The following NEU4 variants were observed in gnomAD, a reference collection of about 807,000 sequenced individuals.
NEU4 encodes the protein sialidase-4.
Under a neutral mutation model 9.9 loss-of-function variants are expected in NEU4, and 7 were observed. That is an observed-to-expected ratio of 0.71 (90% CI 0.40 to 1.33). The LOEUF is 1.33. Among genes scored for constraint, NEU4 ranks in the 40% most tolerant of loss-of-function variants. The pLI, the probability that NEU4 is intolerant of heterozygous loss-of-function variation, is 0.01. For synonymous variants in NEU4, 348 were observed against 316.9 expected, an observed-to-expected ratio of 1.10 and a Z score of -1.04; for missense variants, 717 against 712.6, an observed-to-expected ratio of 1.01 and a Z score of -0.07.
chr2:241,811,176 G>T, intron 1 of NEU4: 1 of 1,228,182 alleles, frequency 8.1e-7, no homozygotes, highest in South Asian at 4.2e-5. Flanking sequence ...GTTGGAGGGC[G>T]CACCCCCGTG....
At chr2:241,813,140 CTGTT>C (rs1221521942) in intron 1 of NEU4, among the ~76,000 whole-genome samples, 1 of 152,178 alleles carries the variant, frequency 6.6e-6, no homozygotes, top group Non-Finnish European at 1.5e-5. Context: ...GTGGAGCTGT[CTGTT>C]TGGGCCTCAG....
chr2:241,815,526 T>G (rs1700297208), intron 3 of NEU4: 1 of 493,240 alleles, frequency 2.0e-6, no homozygotes, highest in Non-Finnish European at 4.1e-6. Context: ...CCCCCGCTAA[T>G]CTCTTTATCT....
intron 3 of NEU4, chr2:241,815,598 C>A: frequency 3.9e-6 from 2 of 509,098 alleles, no homozygotes; most frequent in Non-Finnish European, 3.9e-6. Flanking sequence ...CCACCCCGCC[C>A]CACCCCTTCC....
chr2:241,809,584 GAT>G (rs1700048514), intron 1 of NEU4: 7 of 325,728 alleles, frequency 2.1e-5, no homozygotes, highest in Non-Finnish European at 4.2e-5. Context: ...CAGAGCCCCA[GAT>G]GGGCCCAGGG....
At position 241,814,641 on chromosome 2, in the gene NEU4, C is replaced by T. The variant is rs756172984; in HGVS notation, c.157C>T (p.Arg53Cys). The T allele has an allele frequency of 6.2e-5, 98 of 1,588,340 alleles. 1 individual carries two copies. Among genetic ancestry groups the T allele is most frequent in the Middle Eastern group, 5.3e-4 (3 of 5,706 alleles). ...RLSPDDSHAHRLVLRRGTLAG... is the reference protein window; with the variant it reads ...RLSPDDSHAHCLVLRRGTLAG... ...CAGCCCTGACGACTCCCACGCCCACCGCCTGGTGCTGAGGAGGGGCACGCT... is the reference window on the plus strand; with the variant it reads ...CAGCCCTGACGACTCCCACGCCCACTGCCTGGTGCTGAGGAGGGGCACGCT... Residue 53 changes from arginine to cysteine, a missense_variant, in exon 2 of 4, where the codon CGC (arginine) becomes TGC (cysteine). Coordinates refer to ENST00000407683, the MANE Select transcript of NEU4 (RefSeq NM_001167600.3).
intron 1 of NEU4, chr2:241,810,988 G>C: frequency 9.9e-7 from 1 of 1,015,114 alleles, no homozygotes; most frequent in Non-Finnish European, 1.2e-6. Context: ...AGCCCAGTGA[G>C]GCCTGTGCTG....
intron 1 of NEU4, among the ~76,000 whole-genome samples, chr2:241,810,169 T>G (rs1700066662): frequency 6.6e-6 from 1 of 152,178 alleles, no homozygotes; most frequent in Non-Finnish European, 1.5e-5. Context: ...TTGCCTGGAC[T>G]GGGTCCGCCC....
Position 241,816,584 on chromosome 2 carries a change from G to A in NEU4, c.991G>A (p.Gly331Ser), listed in dbSNP as rs762097709. Residue 331 changes from glycine to serine, a missense_variant, in exon 4 of 4, where the codon GGT becomes AGT. Transcript: ENST00000407683. ...AVDPRGGQVPGGPFSRLQPRG... is the reference protein window; with the variant it reads ...AVDPRGGQVPSGPFSRLQPRG... ...AGACCCCCGTGGAGGCCAGGTGCCT[G>A]GTGGGCCCTTCAGCCGTCTGCAGCC... The A allele has an allele frequency of 6.2e-7, 1 of 1,602,572 alleles. No individual in the cohort carries two copies. The highest frequency in any genetic ancestry group is 8.5e-7 in the Non-Finnish European group (1 of 1,175,634).
At chr2:241,813,878 C>G (rs4369896) in intron 1 of NEU4, 55,572 of 106,610 alleles carry the variant, frequency 0.52, 14,504 homozygotes, top group Non-Finnish European at 0.56. Context: ...AAGTGGGAGC[C>G]GATCCCCTGT....
rs988334766 is a variant in NEU4 at position 241,817,129 on chromosome 2, TG to T, written c.*89del. On this transcript the variant is annotated 3_prime_UTR_variant, in exon 4 of 4. Transcript: ENST00000407683. ...ACGTTGGGGTGCCCCACGATAGCTG[TG>T]GGGGGGGCTCTTAGTGCAGGATCCT... The T allele has an allele frequency of 7.2e-5, 97 of 1,356,244 alleles. No homozygotes were observed. Among genetic ancestry groups the T allele is most frequent in the African/African-American group, 1.2e-4 (8 of 67,742 alleles). 84.0% of individuals were successfully genotyped at this position (1,356,244 alleles called of 1,614,324 possible).
At chr2:241,815,937 G>T (rs914878835) in intron 3 of NEU4, 114 bp from the exon 4 acceptor site, 12 of 1,064,736 alleles carry the variant, frequency 1.1e-5, no homozygotes, top group Non-Finnish European at 2.6e-6. Context: ...GTCAGAGTGC[G>T]ATGGTCCTAA....
chr2:241,816,838 C>A lies in NEU4; in HGVS notation c.1245C>A (p.Gly415=). ...SWTEPWVIYE[G]PSGYSDLASI... ...CAGAGCCCTGGGTGATCTACGAGGG[C>A]CCCAGCGGCTACTCCGACCTGGCGT... The change falls in exon 4 of 4, where the codon GGC becomes GGA. Residue 415 remains glycine (G), a synonymous_variant. Coordinates refer to ENST00000407683, the MANE Select transcript of NEU4 (RefSeq NM_001167600.3). The A allele has an allele frequency of 1.2e-6, 2 of 1,610,836 alleles. No individual in the cohort carries two copies. Among genetic ancestry groups the A allele is most frequent in the Non-Finnish European group, 1.7e-6 (2 of 1,179,162 alleles).
intron 1 of NEU4, chr2:241,811,316 A>C (rs571300817): frequency 7.5e-7 from 1 of 1,335,806 alleles, no homozygotes; most frequent in Non-Finnish European, 9.7e-7. Context: ...GAGCCGTGCC[A>C]CCGTGGGAGT....
In NEU4 at chr2:241,809,251, T is replaced by A; in HGVS notation, c.-27T>A. ...CACACCGTCCTTTTGTCTCTGCCTTTGAGGTTGGCGGGAACTGAAACTGGT... is the reference window on the plus strand; with the variant it reads ...CACACCGTCCTTTTGTCTCTGCCTTAGAGGTTGGCGGGAACTGAAACTGGT... On this transcript the variant is annotated 5_prime_UTR_variant, in exon 1 of 4. It introduces an in-frame stop codon into an upstream open reading frame of the 5' UTR. Transcript: ENST00000407683. 3.9e-6 allele frequency: 5 copies of A among 1,288,886 alleles called. No homozygotes were observed. The highest frequency in any genetic ancestry group is 5.1e-6 in the Non-Finnish European group (5 of 988,466). 79.8% of individuals were successfully genotyped at this position (1,288,886 alleles called of 1,614,324 possible).
Position 241,809,288 on chromosome 2 carries a change from G to T in NEU4, c.-4+14G>T, listed in dbSNP as rs1342958287. 7.0e-6 allele frequency: 9 copies of T among 1,285,058 alleles called. No individual in the cohort carries two copies. The Admixed American group carries it at 2.1e-4, about 30-fold the overall frequency. The allele number at this position is 1,285,058 out of a possible 1,614,324, so 79.6% of individuals were successfully genotyped here. On this transcript the variant is annotated intron_variant, in intron 1 of 3. Coordinates refer to ENST00000407683, the MANE Select transcript of NEU4 (RefSeq NM_001167600.3). The stretch of plus-strand genomic sequence containing the variant: ...GAACTGAAACTGGTACGGTCTTTTT[G>T]AATAGAAATTTGGGGTCTTTCTGGC...
In NEU4 at chr2:241,816,766, C is replaced by T. The variant is rs1700361174; in HGVS notation, c.1173C>T (p.His391=). Residue 391 remains histidine (H), a synonymous_variant, in exon 4 of 4, where the codon CAC becomes CAT. Transcript: ENST00000407683. ...CAGTGGGGCGCAGGGCTCGGCTACA[C>T]ATGGGTATCCGCCTGAGCCAGTCCC... ...SHPVGRRARL[H]MGIRLSQSPL... The T allele has an allele frequency of 6.3e-7, 1 of 1,582,694 alleles. No homozygotes were observed. Among genetic ancestry groups the T allele is most frequent in the South Asian group, 1.1e-5 (1 of 87,398 alleles).
chr2:241,815,329 C>T (rs548661596), intron 3 of NEU4, 182 bp downstream of exon 3: 14 of 900,690 alleles, frequency 1.6e-5, no homozygotes, highest in Admixed American at 5.5e-5. Flanking sequence ...TCCCCAGGAC[C>T]GTCCTGAGCC....
In NEU4 at chr2:241,817,197, G is replaced by T. The variant is rs1700385821; in HGVS notation, c.*149G>T. The T allele has an allele frequency of 1.4e-6, 1 of 707,406 alleles. No individual in the cohort carries two copies. The highest frequency in any genetic ancestry group is 2.0e-5 in the South Asian group (1 of 50,706). 43.8% of individuals were successfully genotyped at this position (707,406 alleles called of 1,614,324 possible). A position where few individuals can be genotyped will look rare whatever the true frequency, so the allele number is the denominator to read the frequency against. ...TTGCTCCTCAGAGCTCTCAAGCAGG[G>T]ACTGCTCTTTAGGAAGGGGAGCAGC... On this transcript the variant is annotated 3_prime_UTR_variant, in exon 4 of 4. Transcript: ENST00000407683.
At chr2:241,812,560 GCCTGGCC>G (rs1700163436) in intron 1 of NEU4, among the ~76,000 whole-genome samples, 38 of 80,134 alleles carry the variant, frequency 4.7e-4, no homozygotes, top group African/African-American at 1.0e-3. Flanking sequence ...GGAACCCAGG[GCCTGGCC>G]ACACTGAGCA....
Sources: allele counts gnomAD v4.1 joint callset (sites outside exome capture counted in the v4.1 genomes callset), GRCh38; gene constraint gnomAD v4.1.1; transcripts MANE v1.5; gene names NCBI Gene and HGNC (gene_info 2026-07-23, HGNC 2026-07-21).